FOXN3: variants seen among roughly 807,000 people sequenced by gnomAD.
The protein encoded by FOXN3 is forkhead box N3, also known as forkhead box protein N3.
FOXN3 carries 7 observed loss-of-function variants against 38.4 expected under a neutral mutation model. The ratio of observed to expected loss-of-function variants is 0.18; its 90% CI spans 0.10 to 0.34. The LOEUF (loss-of-function observed/expected upper bound fraction) is 0.34. FOXN3 is among the 10% of genes least tolerant of loss of function. The pLI, the probability that FOXN3 is intolerant of heterozygous loss-of-function variation, is 1.00. For missense variants in FOXN3, 456 were observed against 613.4 expected, an observed-to-expected ratio of 0.74 and a Z score of 2.71; for synonymous variants, 230 against 242.2, an observed-to-expected ratio of 0.95 and a Z score of 0.47.
Position 89,412,542 on chromosome 14 carries a change from A to T in FOXN3, c.-14-52T>A. 2 of 1,473,836 alleles carry T rather than the reference A, an allele frequency of 1.4e-6. No individual in the cohort carries two copies. The highest frequency in any genetic ancestry group is 2.6e-5 in the South Asian group (2 of 76,548). The allele number at this position is 1,473,836 out of a possible 1,614,324, so 91.3% of individuals were successfully genotyped here. The stretch of plus-strand genomic sequence containing the variant: ...TGAGCTGGCGAGGCCCAAAACAGAA[A>T]GGCAGACTGTACCCCTCTGATCCTG... On this transcript the variant is annotated intron_variant, in intron 1 of 5. Coordinates refer to ENST00000557258, the MANE Select transcript of FOXN3 (RefSeq NM_005197.4). This position sits in a 1 kb window ranked among gnomAD's most constrained non-coding sequence, Gnocchi z 4.7.
At chr14:89,576,713 C>G (rs1403058050) in intron 1 of FOXN3, 1 of 152,094 alleles carries the variant, frequency 6.6e-6, no homozygotes, top group Non-Finnish European at 1.5e-5. Flanking sequence ...GTCTTCTGTT[C>G]CCCGAACACT....
intron 5 of FOXN3, among the ~76,000 whole-genome samples, chr14:89,169,090 G>C (rs1326386705): frequency 6.6e-6 from 1 of 152,114 alleles, no homozygotes; most frequent in East Asian, 1.9e-4. Context: ...ATATATTTTA[G>C]GAAAGAGAAA....
In FOXN3 at chr14:89,586,006, A is replaced by G. The variant is rs181622022; in HGVS notation, c.-15+33022T>C. 2.4e-3 allele frequency among the ~76,000 whole-genome samples: 360 copies of G among 152,234 alleles called. 3 individuals carry two copies. Among genetic ancestry groups the G allele is most frequent in the African/African-American group, 8.3e-3 (344 of 41,558 alleles). On this transcript the variant is annotated intron_variant, in intron 1 of 6. Transcript: ENST00000345097. ...GAAAGCTTGAGTGAGATGGGATCGTAGCCCATCTCACTACGTATGTATGTG... is the reference window on the plus strand; with the variant it reads ...GAAAGCTTGAGTGAGATGGGATCGTGGCCCATCTCACTACGTATGTATGTG...
intron 4 of FOXN3, among the ~76,000 whole-genome samples, chr14:89,204,743 T>G (rs893820355): frequency 6.6e-6 from 1 of 152,190 alleles, no homozygotes; most frequent in Non-Finnish European, 1.5e-5. Context: ...GCCATTGCTT[T>G]TGCTTTCCCT....
chr14:89,293,011 C>G (rs1886924450), intron 3 of FOXN3, among the ~76,000 whole-genome samples: 1 of 152,236 alleles, frequency 6.6e-6, no homozygotes, highest in South Asian at 2.1e-4. Flanking sequence ...AGTCGGCTAG[C>G]TCTCTGTCCA....
intron 1 of FOXN3, among the ~76,000 whole-genome samples, chr14:89,518,852 T>C (rs1210662193): frequency 6.6e-6 from 1 of 151,968 alleles, no homozygotes; most frequent in African/African-American, 2.4e-5. Context: ...CCATCTCTAC[T>C]AAAAATTCAA....
chr14:89,275,699 T>G (rs1886278983), intron 4 of FOXN3, among the ~76,000 whole-genome samples: 1 of 152,202 alleles, frequency 6.6e-6, no homozygotes, highest in Non-Finnish European at 1.5e-5. Flanking sequence ...TACTCCCAAG[T>G]AAGTTTGGAT....
chr14:89,406,829 G>A (rs977886333), intron 2 of FOXN3, among the ~76,000 whole-genome samples: 13 of 151,764 alleles, frequency 8.6e-5, no homozygotes, highest in African/African-American at 2.7e-4. Flanking sequence ...AATCCAGTCT[G>A]GAAAAAAATA....
In FOXN3 at chr14:89,366,461, G is replaced by T. The variant is rs183255179; in HGVS notation, c.544-15653C>A. Among the ~76,000 whole-genome samples, 16 of 152,066 alleles carry T rather than the reference G, an allele frequency of 1.1e-4. No homozygotes were observed. The East Asian group carries it at 2.9e-3, about 28-fold the overall frequency. ...AAGCAAATTACAAAGAGGATAAATG[G>T]TAAAGTAAAAGACATACATTAAATT... On this transcript the variant is annotated intron_variant, in intron 2 of 5. Coordinates refer to ENST00000557258, the MANE Select transcript of FOXN3 (RefSeq NM_005197.4).
rs1022809501 is a variant in FOXN3, at chr14:89,217,192, T to A, written c.746-36386A>T. 1.4e-4 allele frequency among the ~76,000 whole-genome samples: 21 copies of A among 152,314 alleles called. 1 individual carries two copies. Among genetic ancestry groups the A allele is most frequent in the South Asian group, 1.2e-3 (6 of 4,826 alleles). On this transcript the variant is annotated intron_variant, in intron 4 of 5. Coordinates refer to ENST00000557258, the MANE Select transcript of FOXN3 (RefSeq NM_005197.4). ...CTCTGTCATCGAGGCTGGAGTGCAG[T>A]GCTGCGATCACAGCTCACTGCAGCC...
intron 4 of FOXN3, among the ~76,000 whole-genome samples, chr14:89,189,609 G>A (rs1173099718): frequency 6.6e-6 from 1 of 152,222 alleles, no homozygotes; most frequent in Non-Finnish European, 1.5e-5. Context: ...GACCTCGAGT[G>A]GGGAGAAGGA....
chr14:89,450,500 T>G (rs1404336207), intron 1 of FOXN3, among the ~76,000 whole-genome samples: 1 of 152,100 alleles, frequency 6.6e-6, no homozygotes, highest in South Asian at 2.1e-4. Context: ...TGGACTTAAG[T>G]GTCTTCATCT....
chr14:89,505,062 C>T (rs954060326), intron 1 of FOXN3, among the ~76,000 whole-genome samples: 5 of 152,136 alleles, frequency 3.3e-5, no homozygotes, highest in Non-Finnish European at 1.5e-5. Flanking sequence ...ATGCATGCTC[C>T]GTGAATTACT....
At chr14:89,607,053 C>T (rs1289569286) in intron 1 of FOXN3, among the ~76,000 whole-genome samples, 1 of 152,112 alleles carries the variant, frequency 6.6e-6, no homozygotes, top group Non-Finnish European at 1.5e-5. Context: ...TTATTTCACA[C>T]CTACTAAATT....
chr14:89,266,498 T>A (rs935543728), intron 4 of FOXN3, among the ~76,000 whole-genome samples: 3 of 152,010 alleles, frequency 2.0e-5, no homozygotes, highest in Admixed American at 1.3e-4. Flanking sequence ...GGGGGGGCGG[T>A]GGAGATGCAA....
rs569287944 is a variant in FOXN3 at position 89,593,485 on chromosome 14, C to A, written c.-15+25543G>T. ...AAACCCCGTCTCTACTAAAAAAATACAAAAATCATTGGTCTCACTGATGAA... is the reference window on the plus strand; with the variant it reads ...AAACCCCGTCTCTACTAAAAAAATAAAAAAATCATTGGTCTCACTGATGAA... On this transcript the variant is annotated intron_variant, in intron 1 of 6. Transcript: ENST00000345097. 2.0e-5 allele frequency among the ~76,000 whole-genome samples: 3 copies of A among 152,006 alleles called. No homozygotes were observed. The East Asian group carries it at 5.8e-4, about 29-fold the overall frequency.
At chr14:89,360,087 G>A (rs759492568) in intron 2 of FOXN3, among the ~76,000 whole-genome samples, 2 of 152,184 alleles carry the variant, frequency 1.3e-5, no homozygotes, top group South Asian at 2.1e-4. Flanking sequence ...AAACGGCCTA[G>A]GTTTATTTCA....
At chr14:89,230,985 C>T (rs1596118653) in intron 4 of FOXN3, 1 of 394,110 alleles carries the variant, frequency 2.5e-6, no homozygotes, top group East Asian at 7.2e-5. Context: ...TAGCCACTAG[C>T]TCTGCGGGAA....
intron 4 of FOXN3, among the ~76,000 whole-genome samples, chr14:89,199,873 A>G (rs532774159): frequency 8.5e-5 from 13 of 152,256 alleles, no homozygotes; most frequent in South Asian, 2.1e-4. Flanking sequence ...CACTGCGCTC[A>G]AGCCTGGGCG....
Sources: gnomAD v4.1 joint callset for allele counts (sites outside exome capture counted in the v4.1 genomes callset) on GRCh38, gnomAD v4.1.1 for gene constraint, Gnocchi (gnomAD v3.1) non-coding constraint, MANE v1.5 for transcripts, NCBI Gene and HGNC (gene_info 2026-07-23, HGNC 2026-07-21) for gene names.